Variants in FRMD4B observed in about 807,000 individuals in gnomAD.
FRMD4B encodes the protein FERM domain-containing protein 4B.
FRMD4B carries 74 observed loss-of-function variants against 141.5 expected under a neutral mutation model. The ratio of observed to expected loss-of-function variants is 0.52; its 90% CI spans 0.43 to 0.63. FRMD4B has a LOEUF of 0.63. Ranked by LOEUF, FRMD4B falls within the 30% of genes least tolerant of loss-of-function variation. The pLI, the probability that FRMD4B is intolerant of heterozygous loss-of-function variation, is 0.00. For synonymous variants in FRMD4B, 506 were observed against 467.9 expected, an observed-to-expected ratio of 1.08 and a Z score of -1.05; for missense variants, 1,366 against 1,253.4, an observed-to-expected ratio of 1.09 and a Z score of -1.36.
intron 1 of FRMD4B, among the ~76,000 whole-genome samples, chr3:69,510,839 C>A (rs901930882): frequency 2.0e-5 from 3 of 152,188 alleles, no homozygotes; most frequent in African/African-American, 7.2e-5. Context: ...CATGCCTGAC[C>A]TTTTCTCATA....
Position 69,181,725 on chromosome 3 carries a change from A to G in FRMD4B, c.2040-15T>C, listed in dbSNP as rs1287766571. On this transcript the variant is annotated splice_polypyrimidine_tract_variant and intron_variant, in intron 20 of 22. Coordinates refer to ENST00000398540, the MANE Select transcript of FRMD4B (RefSeq NM_015123.3). ...AAGATTCGGGTCTGAAAGAGGAGAA[A>G]GGCAAACTTCTCAACACCAAGAAGA... 1.3e-6 allele frequency: 2 copies of G among 1,553,784 alleles called. No individual in the cohort carries two copies. The highest frequency in any genetic ancestry group is 1.4e-5 in the African/African-American group (1 of 73,414).
chr3:69,216,120 C>A, intron 11 of FRMD4B, 143 bp downstream of exon 11: 1 of 537,964 alleles, frequency 1.9e-6, no homozygotes, highest in Non-Finnish European at 3.4e-6. Context: ...GCCCACTGCA[C>A]TCCAGCTTGG....
chr3:69,533,518 G>A (rs911836836), intron 1 of FRMD4B, among the ~76,000 whole-genome samples: 9 of 152,204 alleles, frequency 5.9e-5, no homozygotes, highest in African/African-American at 2.2e-4. Flanking sequence ...GGCACTTATA[G>A]GGGCTCAATA....
At chr3:69,373,034 C>T (rs1357823330) in intron 1 of FRMD4B, among the ~76,000 whole-genome samples, 2 of 152,124 alleles carry the variant, frequency 1.3e-5, no homozygotes, top group Non-Finnish European at 2.9e-5. Flanking sequence ...GATGCAAACA[C>T]CTCCATGATT....
intron 1 of FRMD4B, among the ~76,000 whole-genome samples, chr3:69,477,289 C>G (rs1706018457): frequency 6.7e-6 from 1 of 148,852 alleles, no homozygotes; most frequent in South Asian, 2.1e-4. Flanking sequence ...TGCCAGTTTT[C>G]AAAGGGAATG....
intron 1 of FRMD4B, among the ~76,000 whole-genome samples, chr3:69,485,124 C>A (rs1466233540): frequency 6.6e-6 from 1 of 152,174 alleles, no homozygotes; most frequent in Admixed American, 6.5e-5. Context: ...TCCTCTATTA[C>A]CAAAGTCCTG....
chr3:69,529,423 G>C (rs998026347), intron 1 of FRMD4B, among the ~76,000 whole-genome samples: 5 of 152,068 alleles, frequency 3.3e-5, no homozygotes, highest in Non-Finnish European at 7.4e-5. Flanking sequence ...AGGAGACCAA[G>C]GCCCTAGAGG....
chr3:69,196,406 A>G lies in FRMD4B; in HGVS notation c.1093-10T>C. The G allele has an allele frequency of 6.3e-7, 1 of 1,598,856 alleles. No individual in the cohort carries two copies. Among genetic ancestry groups the G allele is most frequent in the Non-Finnish European group, 8.5e-7 (1 of 1,171,592 alleles). ...CTGAAGGAATTTTTGCCTAAGAGGC[A>G]TACAACAATGAAACAGAATTAACTC... On this transcript the variant is annotated splice_polypyrimidine_tract_variant and intron_variant, in intron 13 of 22. Transcript: ENST00000398540.
chr3:69,259,865 T>TA lies in FRMD4B; in HGVS notation c.502-9767dup, dbSNP rs1165513100. Among the ~76,000 whole-genome samples, 5 of 152,310 alleles carry TA rather than the reference T, an allele frequency of 3.3e-5. No individual in the cohort carries two copies. In the East Asian group the frequency reaches 9.7e-4, roughly 29 times the overall value. On this transcript the variant is annotated intron_variant, in intron 5 of 22. Transcript: ENST00000398540. ...AATGTGGAGTGGTGCAATCACTACT[T>TA]ACTGTAACATCAAATTCATGTGCTC... is the stretch of plus-strand genomic sequence containing the variant.
chr3:69,432,359 TGGGAAAAG>T (rs1181370918), intron 2 of FRMD4B, among the ~76,000 whole-genome samples: 1 of 152,202 alleles, frequency 6.6e-6, no homozygotes, highest in Non-Finnish European at 1.5e-5. Flanking sequence ...TTTTGCTCTG[TGGGAAAAG>T]ACCTATAAAA....
At chr3:69,210,251 C>A (rs1279188992) in intron 11 of FRMD4B, among the ~76,000 whole-genome samples, 1 of 152,218 alleles carries the variant, frequency 6.6e-6, no homozygotes, top group Non-Finnish European at 1.5e-5. Flanking sequence ...TGCCATCTGA[C>A]AGGCTCTGGT....
intron 1 of FRMD4B, among the ~76,000 whole-genome samples, chr3:69,375,247 C>A (rs1241091195): frequency 6.2e-5 from 2 of 32,476 alleles, no homozygotes; most frequent in Admixed American, 3.9e-4. Context: ...CCCATCCCAT[C>A]CATCCATCCA....
chr3:69,383,105 T>C (rs1299329070), intron 1 of FRMD4B, among the ~76,000 whole-genome samples: 1 of 152,234 alleles, frequency 6.6e-6, no homozygotes, highest in Non-Finnish European at 1.5e-5. Flanking sequence ...TTTATCAATC[T>C]CTGTGATTAG....
intron 1 of FRMD4B, among the ~76,000 whole-genome samples, chr3:69,524,455 G>C (rs17006059): frequency 0.043 from 6,518 of 152,244 alleles, 395 homozygotes; most frequent in African/African-American, 0.13. Flanking sequence ...ATGTGTTGAG[G>C]CTTTATATCA....
At chr3:69,197,512 G>T (rs112343094) in intron 12 of FRMD4B, among the ~76,000 whole-genome samples, 2 of 147,890 alleles carry the variant, frequency 1.4e-5, no homozygotes, top group South Asian at 4.5e-4. Flanking sequence ...CTGAAAATAT[G>T]CAAGTCCAAA....
At chr3:69,285,730 G>C (rs1363309335) in intron 5 of FRMD4B, among the ~76,000 whole-genome samples, 2 of 152,062 alleles carry the variant, frequency 1.3e-5, no homozygotes, top group East Asian at 3.9e-4. Context: ...TATAGTCCCA[G>C]CTACTCGGGA....
At chr3:69,382,559 G>A (rs1332911011) in intron 1 of FRMD4B, among the ~76,000 whole-genome samples, 1 of 152,060 alleles carries the variant, frequency 6.6e-6, no homozygotes, top group African/African-American at 2.4e-5. Flanking sequence ...AATAAAAGTA[G>A]TGAATTTTTT....
chr3:69,331,244 T>C (rs1702359937), intron 1 of FRMD4B, among the ~76,000 whole-genome samples: 1 of 152,188 alleles, frequency 6.6e-6, no homozygotes, highest in Non-Finnish European at 1.5e-5. Flanking sequence ...GCAAACTCAT[T>C]GAGGAGTCCT....
chr3:69,353,900 T>G (rs1379459969), intron 1 of FRMD4B, among the ~76,000 whole-genome samples: 2 of 152,236 alleles, frequency 1.3e-5, no homozygotes, highest in African/African-American at 4.8e-5. Context: ...TTAAAACATA[T>G]GATGAAATGT....
Sources: gnomAD v4.1 joint callset for allele counts (sites outside exome capture counted in the v4.1 genomes callset) on GRCh38, gnomAD v4.1.1 for gene constraint, MANE v1.5 for transcripts, NCBI Gene and HGNC (gene_info 2026-07-23, HGNC 2026-07-21) for gene names.